NUBPL: variants seen among roughly 807,000 people sequenced by gnomAD.
NUBPL encodes the protein NUBP iron-sulfur cluster assembly factor, mitochondrial, also known as iron-sulfur cluster transfer protein NUBPL.
In NUBPL, 31 loss-of-function variants were observed where a neutral mutation model predicts 45.7. That is an observed-to-expected ratio of 0.68 (90% CI 0.51 to 0.92). NUBPL has a LOEUF of 0.92. Among genes scored for constraint, NUBPL ranks in the 40% least tolerant of loss-of-function variants. NUBPL has a pLI of 0.00. For missense variants in NUBPL, 401 were observed against 398.7 expected, an observed-to-expected ratio of 1.01 and a Z score of -0.05; for synonymous variants, 144 against 140.9, an observed-to-expected ratio of 1.02 and a Z score of -0.15.
chr14:31,739,252 AT>A (rs35735613), intron 6 of NUBPL, among the ~76,000 whole-genome samples: 39,212 of 110,648 alleles, frequency 0.35, 6,230 homozygotes, highest in East Asian at 0.43. Flanking sequence ...ATATATATAT[AT>A]TTTTTTTTTT....
intron 6 of NUBPL, among the ~76,000 whole-genome samples, chr14:31,755,640 T>G (rs1196366991): frequency 1.3e-5 from 2 of 152,154 alleles, no homozygotes; most frequent in Admixed American, 6.5e-5. Context: ...TTCTCCCATT[T>G]TGTAGGTTGC....
At position 31,611,683 on chromosome 14, in the gene NUBPL, G is replaced by C. The variant is rs547157408; in HGVS notation, c.382+12304G>C. The stretch of plus-strand genomic sequence containing the variant: ...TGACTTCAAATTATGCTACAGAGCT[G>C]TAGTAACCAAAACAGGATGGTACTG... On this transcript the variant is annotated intron_variant, in intron 4 of 10. Coordinates refer to ENST00000281081, the MANE Select transcript of NUBPL (RefSeq NM_025152.3). Among the ~76,000 whole-genome samples the C allele has an allele frequency of 2.6e-5, 4 of 152,232 alleles. No individual in the cohort carries two copies. In the East Asian group the frequency reaches 5.8e-4, roughly 22 times the overall value.
intron 4 of NUBPL, among the ~76,000 whole-genome samples, chr14:31,639,553 G>A (rs980688465): frequency 5.9e-5 from 9 of 152,184 alleles, no homozygotes; most frequent in Non-Finnish European, 1.0e-4. Context: ...ACTTGAGGAG[G>A]CAGTCTGCCC....
intron 6 of NUBPL, among the ~76,000 whole-genome samples, chr14:31,714,005 A>G (rs941024414): frequency 7.9e-5 from 12 of 152,210 alleles, no homozygotes; most frequent in Non-Finnish European, 1.5e-4. Context: ...CTGATTGGCT[A>G]TGTAGAAACT....
intron 6 of NUBPL, among the ~76,000 whole-genome samples, chr14:31,708,423 C>T (rs1416911267): frequency 1.3e-5 from 2 of 152,112 alleles, no homozygotes; most frequent in Non-Finnish European, 2.9e-5. Flanking sequence ...AGGTAGGGGA[C>T]AACAAATGGG....
chr14:31,806,097 G>T (rs1326506335), intron 7 of NUBPL, among the ~76,000 whole-genome samples: 3 of 152,086 alleles, frequency 2.0e-5, no homozygotes, highest in African/African-American at 7.2e-5. Context: ...AAAAAGTTGT[G>T]CACTTGGTCA....
chr14:31,803,263 C>T (rs1342970900), intron 7 of NUBPL, among the ~76,000 whole-genome samples: 1 of 152,190 alleles, frequency 6.6e-6, no homozygotes, highest in Non-Finnish European at 1.5e-5. Flanking sequence ...AGTAATTTCA[C>T]TTAGGTAAAC....
At chr14:31,645,728 A>G (rs114721344) in intron 4 of NUBPL, among the ~76,000 whole-genome samples, 223 of 152,062 alleles carry the variant, frequency 1.5e-3, no homozygotes, top group Middle Eastern at 0.014. Flanking sequence ...ATCACAAAGA[A>G]ATAATAGAAA....
At chr14:31,593,342 T>C (rs2034193791) in intron 3 of NUBPL, among the ~76,000 whole-genome samples, 2 of 151,606 alleles carry the variant, frequency 1.3e-5, no homozygotes, top group East Asian at 3.9e-4. Context: ...TGAAACCCCA[T>C]CTCTACTAAA....
chr14:31,782,123 G>A (rs926759082), intron 6 of NUBPL, among the ~76,000 whole-genome samples: 6 of 152,112 alleles, frequency 3.9e-5, no homozygotes, highest in Non-Finnish European at 7.4e-5. Flanking sequence ...CTGGCCAGGT[G>A]CAGTGCCTGA....
At chr14:31,786,680 G>A (rs1244789497) in intron 6 of NUBPL, among the ~76,000 whole-genome samples, 1 of 152,208 alleles carries the variant, frequency 6.6e-6, no homozygotes, top group African/African-American at 2.4e-5. Flanking sequence ...GAATGAACAG[G>A]TGATTAGGGG....
At chr14:31,708,804 G>T (rs143974259) in intron 6 of NUBPL, among the ~76,000 whole-genome samples, 4 of 152,178 alleles carry the variant, frequency 2.6e-5, no homozygotes, top group African/African-American at 9.6e-5. Context: ...ATCTGGTTGG[G>T]GGCCTCTGAC....
intron 4 of NUBPL, among the ~76,000 whole-genome samples, chr14:31,664,157 T>C (rs1417142320): frequency 2.0e-5 from 3 of 152,182 alleles, no homozygotes; most frequent in Non-Finnish European, 4.4e-5. Flanking sequence ...TGGGGGTTTT[T>C]TAAATAAACA....
intron 6 of NUBPL, among the ~76,000 whole-genome samples, chr14:31,690,539 C>A (rs1595499165): frequency 6.6e-6 from 1 of 152,024 alleles, no homozygotes; most frequent in Non-Finnish European, 1.5e-5. Flanking sequence ...ACCTTTAAGG[C>A]TCATTATGCA....
chr14:31,770,605 C>A (rs1014413324), intron 6 of NUBPL, among the ~76,000 whole-genome samples: 1 of 152,214 alleles, frequency 6.6e-6, no homozygotes, highest in African/African-American at 2.4e-5. Context: ...ACGCCTACAT[C>A]TTAGCTGAAT....
intron 2 of NUBPL, among the ~76,000 whole-genome samples, chr14:31,563,599 A>G (rs2033358311): frequency 1.3e-5 from 2 of 152,134 alleles, no homozygotes; most frequent in South Asian, 4.1e-4. Context: ...TATTATTAAT[A>G]TATTTCTTTT....
At chr14:31,620,569 G>C (rs1434464504) in intron 4 of NUBPL, among the ~76,000 whole-genome samples, 1 of 152,168 alleles carries the variant, frequency 6.6e-6, no homozygotes, top group East Asian at 1.9e-4. Context: ...GTTTGCTGGA[G>C]GTCCACACCA....
At chr14:31,577,861 T>C in intron 3 of NUBPL, 1 of 566,660 alleles carries the variant, frequency 1.8e-6, no homozygotes, top group Non-Finnish European at 2.2e-6. Flanking sequence ...TGTCACTTCC[T>C]CTGTGGAGCC....
At chr14:31,602,357 T>C (rs969676950) in intron 4 of NUBPL, among the ~76,000 whole-genome samples, 1 of 145,004 alleles carries the variant, frequency 6.9e-6, no homozygotes, top group Non-Finnish European at 1.5e-5. Context: ...ACCTGCACAT[T>C]GTGCACATGT....
Sources: allele counts gnomAD v4.1 joint callset (sites outside exome capture counted in the v4.1 genomes callset), GRCh38; gene constraint gnomAD v4.1.1; transcripts MANE v1.5; gene names NCBI Gene and HGNC (gene_info 2026-07-23, HGNC 2026-07-21).